Variants in ASCC1 observed in about 807,000 individuals in gnomAD.
ASCC1 encodes activating signal cointegrator 1 complex subunit 1.
Under a neutral mutation model 46.6 loss-of-function variants are expected in ASCC1, and 35 were observed. The ratio of observed to expected loss-of-function variants is 0.75; its 90% confidence interval spans 0.57 to 0.99. The LOEUF is 0.99. Ranked by LOEUF, ASCC1 falls within the 50% of genes least tolerant of loss-of-function variation. The pLI, the probability that ASCC1 is intolerant of heterozygous loss-of-function variation, is 0.00. For missense variants in ASCC1, 376 were observed against 428.7 expected (o/e 0.88, Z 1.09); for synonymous variants, 143 against 146.6 (o/e 0.98, Z 0.18).
At chr10:72,130,292 T>C (rs551293105) in intron 8 of ASCC1, among the ~76,000 whole-genome samples, 1 of 152,262 alleles carries the variant, frequency 6.6e-6, no homozygotes, top group Non-Finnish European at 1.5e-5. Flanking sequence ...GAAAATGTTC[T>C]AGAACTGATT....
intron 7 of ASCC1, among the ~76,000 whole-genome samples, chr10:72,141,181 G>A (rs1052290031): frequency 2.6e-5 from 4 of 152,010 alleles, no homozygotes; most frequent in African/African-American, 9.7e-5. Flanking sequence ...CACAAATAAC[G>A]ACTGGTAAAT....
At chr10:72,126,570 C>T (rs759911635) in intron 9 of ASCC1, among the ~76,000 whole-genome samples, 1 of 152,230 alleles carries the variant, frequency 6.6e-6, no homozygotes, top group Non-Finnish European at 1.5e-5. Flanking sequence ...GCACCTCACA[C>T]CTGACTTGTA....
chr10:72,193,959 C>T (rs1355883517), intron 5 of ASCC1, among the ~76,000 whole-genome samples: 2 of 151,322 alleles, frequency 1.3e-5, no homozygotes, highest in Non-Finnish European at 2.9e-5. Flanking sequence ...CTCAGCCTCA[C>T]GAGTAACTGG....
intron 5 of ASCC1, among the ~76,000 whole-genome samples, chr10:72,172,819 A>T (rs12251952): frequency 7.7e-6 from 1 of 130,704 alleles, no homozygotes; most frequent in Non-Finnish European, 1.6e-5. Flanking sequence ...ATTATATATA[A>T]TATATATTTT....
At chr10:72,189,300 C>T (rs1419325569) in intron 5 of ASCC1, among the ~76,000 whole-genome samples, 2 of 150,950 alleles carry the variant, frequency 1.3e-5, no homozygotes, top group East Asian at 1.9e-4. Flanking sequence ...CCCAGCTACT[C>T]GGGAGGCTGA....
chr10:72,138,600 C>CTTTTT (rs1011535460), intron 7 of ASCC1, among the ~76,000 whole-genome samples: 295 of 104,448 alleles, frequency 2.8e-3, no homozygotes, highest in African/African-American at 3.4e-3. Context: ...TTCTTTCTTT[C>CTTTTT]TTTTTTTTTT....
At chr10:72,111,145 G>A (rs1214726660) in intron 9 of ASCC1, among the ~76,000 whole-genome samples, 2 of 152,004 alleles carry the variant, frequency 1.3e-5, no homozygotes, top group East Asian at 1.9e-4. Context: ...AGAGAGAGAG[G>A]GTTATCATCT....
At chr10:72,106,507 A>G (rs1842360892) in intron 9 of ASCC1, among the ~76,000 whole-genome samples, 1 of 151,398 alleles carries the variant, frequency 6.6e-6, no homozygotes, top group East Asian at 1.9e-4. Context: ...ACCAACTTCT[A>G]TTTCTCACAA....
chr10:72,131,439 T>TACACACACAC (rs71927487), intron 8 of ASCC1, among the ~76,000 whole-genome samples: 10,972 of 139,302 alleles, frequency 0.079, 516 homozygotes, highest in Non-Finnish European at 0.091. Context: ...AAAATAAAAA[T>TACACACACAC]ACACACACAC....
chr10:72,104,680 C>T (rs975921436), intron 9 of ASCC1, among the ~76,000 whole-genome samples: 2 of 152,066 alleles, frequency 1.3e-5, no homozygotes, highest in Admixed American at 1.3e-4. Context: ...TTCCCTGACA[C>T]GCACACACAT....
In ASCC1 at chr10:72,097,451, C is replaced by T; in HGVS notation, c.958-1G>A. ...AGCCAAAGTAGAAGTTCTCAAACAA[C>T]TGAAAAGGAAGAATAAAAACCCAGA... On this transcript the variant is annotated splice_acceptor_variant, in intron 9 of 9. Transcript: ENST00000672957. LOFTEE classifies it high-confidence loss of function. The T allele has an allele frequency of 6.4e-7, 1 of 1,566,698 alleles. No homozygotes were observed. Among genetic ancestry groups the T allele is most frequent in the Non-Finnish European group, 8.8e-7 (1 of 1,137,186 alleles).
chr10:72,208,404 C>T (rs1040716088), intron 3 of ASCC1, among the ~76,000 whole-genome samples: 2 of 151,374 alleles, frequency 1.3e-5, no homozygotes, highest in African/African-American at 4.9e-5. Flanking sequence ...CTGATTTGGT[C>T]ATATTCCAGG....
chr10:72,195,748 T>C (rs1485177047), intron 5 of ASCC1, among the ~76,000 whole-genome samples: 1 of 151,538 alleles, frequency 6.6e-6, no homozygotes, highest in Non-Finnish European at 1.5e-5. Flanking sequence ...ATAGGAGAAT[T>C]GCTTGAACCC....
At chr10:72,201,851 T>C (rs568076437) in intron 4 of ASCC1, among the ~76,000 whole-genome samples, 48 of 152,108 alleles carry the variant, frequency 3.2e-4, no homozygotes, top group Middle Eastern at 6.8e-3. Context: ...GATGAGAGGA[T>C]TGATTGAGTC....
intron 6 of ASCC1, among the ~76,000 whole-genome samples, chr10:72,158,596 A>T (rs1250230846): frequency 3.3e-5 from 5 of 152,252 alleles, no homozygotes; most frequent in African/African-American, 1.2e-4. Flanking sequence ...TTGGTCTCAT[A>T]GCATCCTTCA....
At chr10:72,194,814 C>A (rs1306733568) in intron 5 of ASCC1, among the ~76,000 whole-genome samples, 4 of 151,170 alleles carry the variant, frequency 2.6e-5, no homozygotes, top group African/African-American at 7.3e-5. Flanking sequence ...GCGATCTCGG[C>A]TCACCGCAAC....
At chr10:72,191,229 T>TC (rs1208690088) in intron 5 of ASCC1, among the ~76,000 whole-genome samples, 1 of 147,384 alleles carries the variant, frequency 6.8e-6, no homozygotes, top group Non-Finnish European at 1.5e-5. Flanking sequence ...AGCTAATTTT[T>TC]TTTTTTTTTG....
chr10:72,159,186 C>T (rs1351725820), intron 6 of ASCC1: 1 of 152,128 alleles, frequency 6.6e-6, no homozygotes, highest in Non-Finnish European at 1.5e-5. Flanking sequence ...TGTCCTATTT[C>T]AAAAGCTTTG....
intron 6 of ASCC1, among the ~76,000 whole-genome samples, chr10:72,157,424 C>T (rs955470504): frequency 3.3e-5 from 5 of 152,178 alleles, no homozygotes; most frequent in African/African-American, 1.2e-4. Context: ...GAAAGCATCA[C>T]CACACCATTG....
Sources: gnomAD v4.1 joint callset for allele counts (sites outside exome capture counted in the v4.1 genomes callset) on GRCh38, gnomAD v4.1.1 for gene constraint, MANE v1.5 for transcripts, NCBI Gene and HGNC (gene_info 2026-07-23, HGNC 2026-07-21) for gene names.